The following RBM44 variants were observed in gnomAD, a reference collection of about 807,000 sequenced individuals.
The protein encoded by RBM44 is RNA-binding protein 44.
In RBM44, 66 loss-of-function variants were observed where a neutral mutation model predicts 105.1. The observed-to-expected ratio is 0.63, with a 90% CI of 0.52 to 0.77. RBM44 has a LOEUF of 0.77. Ranked by LOEUF, RBM44 falls within the 30% of genes least tolerant of loss-of-function variation. The pLI, the probability that RBM44 is intolerant of heterozygous loss-of-function variation, is 0.00. For missense variants in RBM44, 1,122 were observed against 1,207.8 expected (o/e 0.93, Z 1.05); for synonymous variants, 365 against 417.6 (o/e 0.87, Z 1.54).
rs751591288 is a variant in RBM44 at position 237,818,453 on chromosome 2, A to G, written c.1534A>G (p.Asn512Asp). ...TAAAAAACGACCTGATGAATGGCAA[A>G]ATGAGAAACAAAAAAGTGTGGCTTG... ...MNKKRPDEWQ[N>D]EKQKSVACST... is the part of the protein sequence containing the mutation. Residue 512 changes from asparagine to aspartate, a missense_variant, in exon 3 of 16, where the codon AAT becomes GAT. Around this residue, in one of 3 missense-constraint regions of RBM44, gnomAD observed 918 missense variants for 955.3 expected, o/e 0.96. Coordinates refer to ENST00000316997, the MANE Select transcript of RBM44 (RefSeq NM_001080504.3). The surrounding 1 kb of genome is among the most constrained non-coding windows in gnomAD (Gnocchi z 4.6). 100 of 1,613,066 alleles carry G rather than the reference A, an allele frequency of 6.2e-5. No individual in the cohort carries two copies. The South Asian group carries it at 1.1e-3, about 17-fold the overall frequency.
At position 237,817,572 on chromosome 2, in the gene RBM44, A is replaced by G; in HGVS notation, c.653A>G (p.Glu218Gly). ...ALDISNPEVV[E>G]LGNSGYEVKC... is the part of the protein sequence containing the mutation. Reference sequence around the variant, plus strand: ...GATATATCTAATCCAGAAGTTGTTGAATTAGGAAATTCGGGTTATGAAGTT... The same window carrying G: ...GATATATCTAATCCAGAAGTTGTTGGATTAGGAAATTCGGGTTATGAAGTT... Residue 218 changes from glutamate to glycine, a missense_variant, in exon 3 of 16, where the codon GAA becomes GGA. Coordinates refer to ENST00000316997, the MANE Select transcript of RBM44 (RefSeq NM_001080504.3). 1 of 1,612,608 alleles carries G rather than the reference A, an allele frequency of 6.2e-7. No individual in the cohort carries two copies. Among genetic ancestry groups the G allele is most frequent in the Non-Finnish European group, 8.5e-7 (1 of 1,179,204 alleles).
rs2061772227 is a variant in RBM44, at chr2:237,820,363, TTTCAA to T, written c.1913+13_1913+17del. 2 of 1,494,340 alleles carry T rather than the reference TTTCAA, an allele frequency of 1.3e-6. No homozygotes were observed. The highest frequency in any genetic ancestry group is 2.5e-5 in the South Asian group (2 of 80,456). 92.6% of individuals were successfully genotyped at this position (1,494,340 alleles called of 1,614,324 possible). On this transcript the variant is annotated intron_variant, in intron 5 of 15. Coordinates refer to ENST00000316997, the MANE Select transcript of RBM44 (RefSeq NM_001080504.3). ...GAAGGATTAAATATGTGTTTATTAATTTCAAATCTGTTTTTTCTTAGAAATGTGTC... is the reference window on the plus strand; with the variant it reads ...GAAGGATTAAATATGTGTTTATTAATATCTGTTTTTTCTTAGAAATGTGTC...
At chr2:237,831,846 G>T (rs868026386) in intron 13 of RBM44, among the ~76,000 whole-genome samples, 1 of 152,006 alleles carries the variant, frequency 6.6e-6, no homozygotes, top group East Asian at 1.9e-4. Flanking sequence ...GGATTGATTT[G>T]TTTGGTACAT....
chr2:237,818,166 T>C lies in RBM44; in HGVS notation c.1247T>C (p.Ile416Thr). The C allele has an allele frequency of 6.2e-7, 1 of 1,613,150 alleles. No homozygotes were observed. Among genetic ancestry groups the C allele is most frequent in the Non-Finnish European group, 8.5e-7 (1 of 1,179,508 alleles). ...GATTTTTCTGCTATGCTACCAAAGA[T>C]CGCAGTCAGAGATAATCAGGCAATA... Reference protein sequence around the residue: ...ALDFSAMLPKIAVRDNQAIED... With the variant: ...ALDFSAMLPKTAVRDNQAIED... The change falls in exon 3 of 16, where the codon ATC (isoleucine) becomes ACC (threonine). Residue 416 changes from isoleucine to threonine, a missense_variant. Ile to Thr is a moderately conservative substitution (Grantham distance 89). Transcript: ENST00000316997. The surrounding 1 kb of genome is among the most constrained non-coding windows in gnomAD (Gnocchi z 4.6).
chr2:237,820,603 TAGAG>T (rs2061776039), intron 5 of RBM44: 2 of 308,740 alleles, frequency 6.5e-6, no homozygotes, highest in South Asian at 2.0e-4. Context: ...AGGATGAACT[TAGAG>T]AGTTTTTGCA....
intron 2 of RBM44, among the ~76,000 whole-genome samples, chr2:237,816,005 G>A (rs1245216678): frequency 6.6e-6 from 1 of 152,036 alleles, no homozygotes; most frequent in Non-Finnish European, 1.5e-5. Flanking sequence ...ACATCATAAA[G>A]GGCCTTTTTC....
intron 15 of RBM44, among the ~76,000 whole-genome samples, chr2:237,839,792 TTCA>T (rs1210998044): frequency 1.3e-5 from 2 of 152,098 alleles, no homozygotes; most frequent in African/African-American, 4.8e-5. Context: ...TATATTAGAC[TTCA>T]TCAAAATCAA....
chr2:237,817,937 G>A lies in RBM44; in HGVS notation c.1018G>A (p.Asp340Asn). ...NMKSQINEGK[D>N]FCGNKIVENK... ...GAAATCTCAAATAAATGAAGGTAAA[G>A]ATTTTTGTGGAAATAAAATTGTTGA... Residue 340 changes from aspartate to asparagine, a missense_variant, in exon 3 of 16, where the codon GAT becomes AAT. Transcript: ENST00000316997. 6.2e-7 allele frequency: 1 copy of A among 1,600,192 alleles called. No homozygotes were observed. Among genetic ancestry groups the A allele is most frequent in the Non-Finnish European group, 8.5e-7 (1 of 1,175,892 alleles).
At chr2:237,836,592 C>G (rs2061961460) in intron 15 of RBM44, among the ~76,000 whole-genome samples, 1 of 152,002 alleles carries the variant, frequency 6.6e-6, no homozygotes, top group African/African-American at 2.4e-5. Context: ...CCATCCTGGC[C>G]AACATGGTGA....
chr2:237,800,976 C>T (rs938870802), intron 1 of RBM44, among the ~76,000 whole-genome samples: 3 of 152,192 alleles, frequency 2.0e-5, no homozygotes, highest in African/African-American at 7.2e-5. Context: ...ACCTCGGCCT[C>T]CCAAAGTGTT....
At chr2:237,833,075 A>G (rs1215142256) in intron 13 of RBM44, among the ~76,000 whole-genome samples, 1 of 152,234 alleles carries the variant, frequency 6.6e-6, no homozygotes, top group Admixed American at 6.5e-5. Flanking sequence ...CACTTAAACT[A>G]TTGTATCCCA....
At chr2:237,822,161 T>C (rs560577202) in intron 8 of RBM44, among the ~76,000 whole-genome samples, 1 of 152,202 alleles carries the variant, frequency 6.6e-6, no homozygotes, top group African/African-American at 2.4e-5. Context: ...CATCATCATG[T>C]GAAGCCAGTG....
intron 6 of RBM44, 29 bp downstream of exon 6, chr2:237,821,283 A>G (rs1469116804): frequency 1.3e-6 from 2 of 1,551,224 alleles, no homozygotes; most frequent in Admixed American, 2.0e-5. Context: ...GAAATAAAAA[A>G]TTTTACTTCA....
Position 237,817,545 on chromosome 2 carries a change from T to C in RBM44, c.626T>C (p.Leu209Ser). ...TTATCTTTTGACCAAACAAAAGCAT[T>C]AGATATATCTAATCCAGAAGTTGTT... ...NHLSFDQTKALDISNPEVVEL... is the reference protein window; with the variant it reads ...NHLSFDQTKASDISNPEVVEL... The change falls in exon 3 of 16, where the codon TTA (leucine) becomes TCA (serine). Residue 209 changes from leucine (L) to serine (S), a missense_variant. This residue lies in a region of RBM44 where 918 missense variants were observed against 955.3 expected (regional missense o/e 0.96). Transcript: ENST00000316997. The C allele has an allele frequency of 1.2e-6, 2 of 1,611,608 alleles. No individual in the cohort carries two copies. The highest frequency in any genetic ancestry group is 1.7e-6 in the Non-Finnish European group (2 of 1,178,658).
At position 237,818,263 on chromosome 2, in the gene RBM44, A is replaced by C. The variant is rs761502459; in HGVS notation, c.1344A>C (p.Glu448Asp). 1.2e-6 allele frequency: 2 copies of C among 1,613,102 alleles called. No homozygotes were observed. The highest frequency in any genetic ancestry group is 1.7e-6 in the Non-Finnish European group (2 of 1,179,440). ...TKKTCFHNIGEMCTKSLTDAA... is the reference protein window; with the variant it reads ...TKKTCFHNIGDMCTKSLTDAA... ...AAACATGCTTTCACAATATAGGAGA[A>C]ATGTGTACTAAATCATTGACAGATG... Residue 448 changes from glutamate to aspartate, a missense_variant, in exon 3 of 16, where the codon GAA (glutamate) becomes GAC (aspartate). Glu to Asp is a conservative substitution (Grantham distance 45, BLOSUM62 2). This residue lies in a region of RBM44 where 918 missense variants were observed against 955.3 expected (regional missense o/e 0.96). Transcript: ENST00000316997. This position sits in a 1 kb window ranked among gnomAD's most constrained non-coding sequence, Gnocchi z 4.6.
rs752118403 is a variant in RBM44 at position 237,821,059 on chromosome 2, A to C, written c.1914-12A>C. 6.4e-7 allele frequency: 1 copy of C among 1,573,774 alleles called. No individual in the cohort carries two copies. The highest frequency in any genetic ancestry group is 2.2e-5 in the East Asian group (1 of 44,522). ...TAAATAATTTAGTTTTGTGCACTCA[A>C]CTTTTGAACAGGAATTTATCAAGTA... On this transcript the variant is annotated splice_polypyrimidine_tract_variant and intron_variant, in intron 5 of 15. Transcript: ENST00000316997.
At chr2:237,813,805 C>T in intron 2 of RBM44, 123 bp downstream of exon 2, 1 of 629,906 alleles carries the variant, frequency 1.6e-6, no homozygotes, top group South Asian at 2.0e-5. Context: ...TGGTAAGACT[C>T]AGTATATTTT....
intron 1 of RBM44, among the ~76,000 whole-genome samples, chr2:237,809,128 A>G (rs150102686): frequency 8.5e-5 from 13 of 152,302 alleles, no homozygotes; most frequent in Admixed American, 6.5e-4. Flanking sequence ...GAATCCATCC[A>G]TTTTAATTTA....
chr2:237,840,387 C>T (rs1343344813), intron 15 of RBM44, among the ~76,000 whole-genome samples: 1 of 151,946 alleles, frequency 6.6e-6, no homozygotes, highest in African/African-American at 2.4e-5. Flanking sequence ...GAAACTAGAC[C>T]CCTTCCTTAT....
Sources: allele counts gnomAD v4.1 joint callset (sites outside exome capture counted in the v4.1 genomes callset), GRCh38; gene constraint gnomAD v4.1.1; regional missense constraint gnomAD v4.1.1; non-coding constraint Gnocchi (gnomAD v3.1); transcripts MANE v1.5; gene names NCBI Gene and HGNC (gene_info 2026-07-23, HGNC 2026-07-21).